The following APOO variants were observed in gnomAD, a reference collection of about 807,000 sequenced individuals.
The protein encoded by APOO is apolipoprotein O, also known as MICOS complex subunit MIC26.
In APOO, 11 loss-of-function variants were observed where a neutral mutation model predicts 23.1. The observed-to-expected ratio is 0.48, with a 90% CI of 0.30 to 0.79. The LOEUF (loss-of-function observed/expected upper bound fraction) is 0.79, where lower values mean the gene tolerates loss of function less well. APOO is among the 30% of genes least tolerant of loss of function. The pLI, the probability that APOO is intolerant of heterozygous loss-of-function variation, is 0.07. For missense variants in APOO, 160 were observed against 142.7 expected, an observed-to-expected ratio of 1.12 and a Z score of -0.62; for synonymous variants, 59 against 54.8, an observed-to-expected ratio of 1.08 and a Z score of -0.34.
In APOO at chrX:23,849,583, T is replaced by TAA. The variant is rs143362355; in HGVS notation, c.561+6717_561+6718dup. Among the ~76,000 whole-genome samples the TAA allele has an allele frequency of 5.7e-3, 185 of 32,587 alleles. 20 individuals carry two copies. Among genetic ancestry groups the TAA allele is most frequent in the Middle Eastern group, 0.025 (1 of 40 alleles). 28.3% of individuals were successfully genotyped at this position (32,587 alleles called of 115,157 possible). On this transcript the variant is annotated intron_variant, in intron 7 of 8. Transcript: ENST00000379226. The stretch of plus-strand genomic sequence containing the variant: ...GGGAGCCTGTAGATTAAGAGAGACT[T>TAA]AAAAAAAAAAAAAAAAAAAAAAAAA...
chrX:23,881,562 C>CA (rs1415085486), intron 1 of APOO, among the ~76,000 whole-genome samples: 3 of 4,461 alleles, frequency 6.7e-4, no homozygotes, highest in Admixed American at 3.3e-3. Flanking sequence ...AATCGCTCCA[C>CA]TAAAAAAAAA....
intron 2 of APOO, among the ~76,000 whole-genome samples, chrX:23,880,209 G>C (rs1926048618): frequency 9.0e-6 from 1 of 110,817 alleles, no homozygotes; most frequent in Non-Finnish European, 1.9e-5. Context: ...GATAAGCCAA[G>C]AATCAGGCAG....
intron 5 of APOO, among the ~76,000 whole-genome samples, chrX:23,863,447 G>C (rs1037460390): frequency 8.9e-6 from 1 of 111,901 alleles, no homozygotes; most frequent in Non-Finnish European, 1.9e-5. Flanking sequence ...TGTATCACCT[G>C]TTCAGAAGCA....
intron 7 of APOO, among the ~76,000 whole-genome samples, chrX:23,852,793 C>T (rs1221684642): frequency 9.1e-6 from 1 of 110,418 alleles, no homozygotes; most frequent in Non-Finnish European, 1.9e-5. Flanking sequence ...TTTGTGTGTG[C>T]CTTTCTTCTG....
At chrX:23,892,283 G>A (rs773461672) in intron 1 of APOO, among the ~76,000 whole-genome samples, 1 of 103,541 alleles carries the variant, frequency 9.7e-6, no homozygotes, top group African/African-American at 3.5e-5. Flanking sequence ...ACGGAGTCTC[G>A]CACTGTCGCC....
intron 7 of APOO, among the ~76,000 whole-genome samples, chrX:23,841,354 T>G (rs1923961734): frequency 1.8e-5 from 2 of 109,598 alleles, no homozygotes; most frequent in Admixed American, 2.0e-4. Flanking sequence ...CCCCTTTCAC[T>G]CTCAAGAGTA....
chrX:23,893,863 T>C (rs1926782212), intron 1 of APOO, among the ~76,000 whole-genome samples: 1 of 110,349 alleles, frequency 9.1e-6, no homozygotes, highest in Non-Finnish European at 1.9e-5. Flanking sequence ...TGAGCCACCA[T>C]GCCCGGCCAG....
At chrX:23,862,659 G>C (rs1569232880) in intron 5 of APOO, among the ~76,000 whole-genome samples, 1 of 104,567 alleles carries the variant, frequency 9.6e-6, no homozygotes, top group African/African-American at 3.5e-5. Context: ...TATAGTCGCA[G>C]CTACTCAGGA....
chrX:23,860,501 G>A (rs1323185478), intron 5 of APOO, among the ~76,000 whole-genome samples: 1 of 109,079 alleles, frequency 9.2e-6, no homozygotes, highest in Non-Finnish European at 1.9e-5. Flanking sequence ...AACATAGCGA[G>A]ACTCCATCTC....
Position 23,893,276 on chromosome X carries a change from C to A in APOO, c.10-12324G>T, listed in dbSNP as rs780068300. Among the ~76,000 whole-genome samples, 77 of 98,692 alleles carry A rather than the reference C, an allele frequency of 7.8e-4. 1 individual carries two copies. The highest frequency in any genetic ancestry group is 1.9e-3 in the African/African-American group (48 of 25,868). 85.7% of individuals were successfully genotyped at this position (98,692 alleles called of 115,157 possible). The stretch of plus-strand genomic sequence containing the variant: ...ACTAAAAATACAAAAAAAAAAAAAA[C>A]AAAACATTAGCCAGGCGTGGTGGTG... On this transcript the variant is annotated intron_variant, in intron 1 of 8. Transcript: ENST00000379226.
intron 8 of APOO, among the ~76,000 whole-genome samples, chrX:23,835,001 C>A (rs1037169030): frequency 9.7e-6 from 1 of 103,578 alleles, no homozygotes; most frequent in African/African-American, 3.5e-5. Flanking sequence ...GGGATTACAG[C>A]CGTGAGCCAC....
At chrX:23,860,417 A>G (rs1323162235) in intron 5 of APOO, among the ~76,000 whole-genome samples, 2 of 110,842 alleles carry the variant, frequency 1.8e-5, no homozygotes, top group East Asian at 5.8e-4. Context: ...GGTGGCTCAC[A>G]CCTGTAATCC....
chrX:23,863,304 C>G (rs61095556), intron 5 of APOO, among the ~76,000 whole-genome samples: 1,881 of 111,487 alleles, frequency 0.017, 47 homozygotes, highest in African/African-American at 0.058. Context: ...ACACTGCACT[C>G]CAGCCTGGGT....
At chrX:23,902,417 A>G (rs1339271778) in intron 1 of APOO, among the ~76,000 whole-genome samples, 1 of 111,385 alleles carries the variant, frequency 9.0e-6, no homozygotes. Flanking sequence ...CCTCTCTCCT[A>G]GATAAGAACT....
chrX:23,865,108 G>T (rs1925276669), intron 5 of APOO, among the ~76,000 whole-genome samples: 1 of 111,603 alleles, frequency 9.0e-6, no homozygotes. Context: ...CAGGGGCGGG[G>T]GGAACCACTG....
chrX:23,882,045 T>C (rs1051823378), intron 1 of APOO, among the ~76,000 whole-genome samples: 5 of 110,064 alleles, frequency 4.5e-5, no homozygotes, highest in Non-Finnish European at 7.6e-5. Flanking sequence ...GGTTGTATCC[T>C]GGTGCTGCTG....
At chrX:23,862,173 C>G (rs971841297) in intron 5 of APOO, among the ~76,000 whole-genome samples, 4 of 110,541 alleles carry the variant, frequency 3.6e-5, no homozygotes, top group Non-Finnish European at 7.6e-5. Flanking sequence ...AAGCCTGAAA[C>G]ATAAAGGAGA....
chrX:23,896,125 G>A (rs1176472585), intron 1 of APOO, among the ~76,000 whole-genome samples: 3 of 109,928 alleles, frequency 2.7e-5, no homozygotes, highest in Non-Finnish European at 3.8e-5. Context: ...AAAATTAGCC[G>A]GACGTGGTGG....
At chrX:23,837,132 G>C in intron 8 of APOO, 1 of 857,310 alleles carries the variant, frequency 1.2e-6, no homozygotes, top group Non-Finnish European at 1.7e-6. Flanking sequence ...GTTCCTTTCT[G>C]TTACCCCACC....
Sources: allele counts gnomAD v4.1 joint callset (sites outside exome capture counted in the v4.1 genomes callset), GRCh38; gene constraint gnomAD v4.1.1; transcripts MANE v1.5; gene names NCBI Gene and HGNC (gene_info 2026-07-23, HGNC 2026-07-21).